The following PVT1 variants were observed in gnomAD, a reference collection of about 807,000 sequenced individuals.
PVT1 encodes Pvt1 oncogene.
chr8:128,065,042 G>A (rs149443148), intron 4 of PVT1, among the ~76,000 whole-genome samples: 3 of 152,234 alleles, frequency 2.0e-5, no homozygotes, highest in East Asian at 1.9e-4. Context: ...TACTATCAGA[G>A]AAACAGAGGC....
chr8:127,834,795 A>G (rs28750790), intron 2 of PVT1, among the ~76,000 whole-genome samples: 13,626 of 152,286 alleles, frequency 0.089, 698 homozygotes, highest in Middle Eastern at 0.14. Context: ...CACTTCTCAA[A>G]AGAAGACATT....
chr8:128,025,993 C>A (rs1301998106), intron 4 of PVT1, among the ~76,000 whole-genome samples: 2 of 151,710 alleles, frequency 1.3e-5, no homozygotes, highest in African/African-American at 4.8e-5. Context: ...GCTCTGTTGT[C>A]CAGGCCGGAG....
chr8:128,084,257 C>T (rs1814228736), intron 5 of PVT1, among the ~76,000 whole-genome samples: 1 of 152,156 alleles, frequency 6.6e-6, no homozygotes. Context: ...TGCCACTTTC[C>T]CCCTTGTTTA....
chr8:128,028,702 G>A (rs1813352598), intron 4 of PVT1, among the ~76,000 whole-genome samples: 1 of 152,206 alleles, frequency 6.6e-6, no homozygotes, highest in South Asian at 2.1e-4. Flanking sequence ...TTAGCACATT[G>A]CAAGCTAAGT....
intron 2 of PVT1, among the ~76,000 whole-genome samples, chr8:127,857,926 T>C (rs1815178933): frequency 6.6e-6 from 1 of 151,954 alleles, no homozygotes. Context: ...TATGGTGGAG[T>C]GTGATGAAGT....
intron 3 of PVT1, among the ~76,000 whole-genome samples, chr8:127,903,684 CT>C (rs1227990244): frequency 6.6e-6 from 1 of 152,194 alleles, no homozygotes; most frequent in Non-Finnish European, 1.5e-5. Flanking sequence ...AATAGGAAGT[CT>C]TTTCCCCATT....
chr8:127,895,146 T>C (rs1019098614), intron 3 of PVT1, among the ~76,000 whole-genome samples: 1 of 152,240 alleles, frequency 6.6e-6, no homozygotes, highest in African/African-American at 2.4e-5. Flanking sequence ...GACTTATTCA[T>C]GTATTCATTT....
At chr8:127,848,583 T>C (rs1383566575) in intron 2 of PVT1, among the ~76,000 whole-genome samples, 6 of 152,248 alleles carry the variant, frequency 3.9e-5, no homozygotes, top group Middle Eastern at 3.4e-3. Flanking sequence ...CTTGGGAGGC[T>C]GAGGCAGGAG....
intron 4 of PVT1, among the ~76,000 whole-genome samples, chr8:128,042,638 G>T (rs745509999): frequency 2.0e-5 from 3 of 152,202 alleles, no homozygotes; most frequent in Non-Finnish European, 2.9e-5. Context: ...ATACTAACTG[G>T]TAATGGTAGT....
At chr8:127,868,853 C>A (rs1815321749) in intron 2 of PVT1, among the ~76,000 whole-genome samples, 1 of 60,010 alleles carries the variant, frequency 1.7e-5, no homozygotes, top group Non-Finnish European at 3.5e-5. Context: ...TTAAAAGTTT[C>A]TCAGACTTTA....
chr8:127,988,702 T>C (rs1563658728), intron 3 of PVT1, among the ~76,000 whole-genome samples: 1 of 152,220 alleles, frequency 6.6e-6, no homozygotes, highest in Admixed American at 6.5e-5. Flanking sequence ...CCTCCATGGC[T>C]CACATGATCC....
chr8:128,017,138 G>A (rs924283324), intron 4 of PVT1, among the ~76,000 whole-genome samples: 1 of 152,230 alleles, frequency 6.6e-6, no homozygotes, highest in African/African-American at 2.4e-5. Context: ...CAGAGAGGTT[G>A]GGGGACATAT....
intron 3 of PVT1, among the ~76,000 whole-genome samples, chr8:127,981,395 A>G (rs1386361813): frequency 6.6e-6 from 1 of 152,198 alleles, no homozygotes; most frequent in Non-Finnish European, 1.5e-5. Context: ...ACCTCCTGAC[A>G]GGGCACCAGG....
At chr8:127,847,084 C>A (rs1174433692) in intron 2 of PVT1, among the ~76,000 whole-genome samples, 2 of 148,706 alleles carry the variant, frequency 1.3e-5, no homozygotes, top group Admixed American at 6.9e-5. Flanking sequence ...CTCACTGCAA[C>A]CTCCGCTTCC....
In PVT1 at chr8:128,021,149, G is replaced by A. The variant is rs577697324; in HGVS notation, n.912+31858G>A. 2.0e-5 allele frequency among the ~76,000 whole-genome samples: 3 copies of A among 152,154 alleles called. No homozygotes were observed. The East Asian group carries it at 5.8e-4, about 29-fold the overall frequency. On this transcript the variant is annotated intron_variant and non_coding_transcript_variant, in intron 4 of 10. Coordinates refer to ENST00000651587, the Ensembl canonical transcript of PVT1. ...ATGCAACTTCCTGGAGTGCGGCTTT[G>A]CTTCCATCGCTCCCTAGCTACAGAC...
At chr8:128,051,631 AT>A (rs1287126399) in intron 4 of PVT1, among the ~76,000 whole-genome samples, 2 of 147,164 alleles carry the variant, frequency 1.4e-5, no homozygotes, top group Non-Finnish European at 3.0e-5. Flanking sequence ...TTTCTTTTTC[AT>A]TTTTTTTTCT....
At chr8:128,085,462 C>T (rs905264559) in intron 5 of PVT1, among the ~76,000 whole-genome samples, 1 of 151,268 alleles carries the variant, frequency 6.6e-6, no homozygotes, top group Non-Finnish European at 1.5e-5. Flanking sequence ...AACTCTTCCT[C>T]CTATGTACTA....
intron 3 of PVT1, among the ~76,000 whole-genome samples, chr8:127,976,308 G>C (rs1231659479): frequency 6.6e-6 from 1 of 152,142 alleles, no homozygotes; most frequent in Non-Finnish European, 1.5e-5. Flanking sequence ...GGTGAGTTTA[G>C]ATGAGTTCCT....
chr8:128,050,450 G>T (rs1206193608), intron 4 of PVT1, among the ~76,000 whole-genome samples: 2 of 152,194 alleles, frequency 1.3e-5, no homozygotes, highest in Admixed American at 6.5e-5. Context: ...AATAAAGACT[G>T]AATGCCTCCG....
Sources: gnomAD v4.1 joint callset for allele counts (sites outside exome capture counted in the v4.1 genomes callset) on GRCh38, gnomAD v4.1.1 for gene constraint, MANE v1.5 for transcripts, NCBI Gene and HGNC (gene_info 2026-07-23, HGNC 2026-07-21) for gene names.